The following GALNT13 variants were observed in gnomAD, a reference collection of about 807,000 sequenced individuals.
The protein encoded by GALNT13 is UDP-GalNAc:polypeptide N-acetylgalactosaminyltransferase 13.
GALNT13 carries 28 observed loss-of-function variants against 64.2 expected under a neutral mutation model. The observed-to-expected ratio is 0.44, with a 90% CI of 0.32 to 0.60. GALNT13 has a LOEUF of 0.60. GALNT13 is among the 20% of genes least tolerant of loss of function. The pLI is 0.05. For missense variants in GALNT13, 577 were observed against 669.8 expected, an observed-to-expected ratio of 0.86 and a Z score of 1.53; for synonymous variants, 214 against 224.6, an observed-to-expected ratio of 0.95 and a Z score of 0.42.
Position 154,299,907 on chromosome 2 carries a change from T to TA in GALNT13, c.976-1495dup, listed in dbSNP as rs946412835. On this transcript the variant is annotated intron_variant, in intron 8 of 12. Coordinates refer to ENST00000392825, the MANE Select transcript of GALNT13 (RefSeq NM_052917.4). ...ATTACACTGTTTAAAAATTATAAAATAAAAAAATAGATTTACATGAAATGC... is the reference window on the plus strand; with the variant it reads ...ATTACACTGTTTAAAAATTATAAAATAAAAAAAATAGATTTACATGAAATGC... Among the ~76,000 whole-genome samples the TA allele has an allele frequency of 1.2e-3, 181 of 151,838 alleles. 1 individual carries two copies. Among genetic ancestry groups the TA allele is most frequent in the African/African-American group, 4.1e-3 (170 of 41,456 alleles).
the GALNT13 span, among the ~76,000 whole-genome samples, chr2:153,720,566 A>C: frequency 6.5e-4 from 98 of 149,718 alleles, 1 homozygote; most frequent in South Asian, 0.016. Flanking sequence ...ACTTTGAAAA[A>C]AATTTAGAAG....
At chr2:153,585,027 A>T in the GALNT13 span, among the ~76,000 whole-genome samples, 2 of 152,196 alleles carry the variant, frequency 1.3e-5, no homozygotes, top group East Asian at 3.8e-4. Context: ...AAGACATATG[A>T]CACCCTCAAA....
the GALNT13 span, among the ~76,000 whole-genome samples, chr2:153,735,790 A>G: frequency 6.6e-6 from 1 of 152,106 alleles, no homozygotes; most frequent in Non-Finnish European, 1.5e-5. Context: ...GATTTGGGCC[A>G]TTTATTTTGG....
the GALNT13 span, among the ~76,000 whole-genome samples, chr2:153,595,857 T>A: frequency 6.6e-6 from 1 of 152,200 alleles, no homozygotes; most frequent in Non-Finnish European, 1.5e-5. Context: ...TTAATCTTGT[T>A]CTGAGTGTAC....
the GALNT13 span, among the ~76,000 whole-genome samples, chr2:153,240,620 A>G: frequency 6.6e-6 from 1 of 152,090 alleles, no homozygotes; most frequent in African/African-American, 2.4e-5. Context: ...ACCTGGGGAG[A>G]CATCCCATAA....
At chr2:153,259,457 C>T in the GALNT13 span, among the ~76,000 whole-genome samples, 1 of 151,826 alleles carries the variant, frequency 6.6e-6, no homozygotes, top group Non-Finnish European at 1.5e-5. Flanking sequence ...AAGACTTGTA[C>T]TTGCTGATAT....
intron 3 of GALNT13, among the ~76,000 whole-genome samples, chr2:154,129,810 C>T (rs74715034): frequency 1.3e-5 from 2 of 152,116 alleles, no homozygotes; most frequent in East Asian, 1.9e-4. Context: ...GGGCCTGTTG[C>T]GAGAGGACTG....
the GALNT13 span, among the ~76,000 whole-genome samples, chr2:153,363,112 A>C: frequency 6.6e-6 from 1 of 152,148 alleles, no homozygotes; most frequent in Non-Finnish European, 1.5e-5. Flanking sequence ...ATGGAAATTG[A>C]ACAACATGCT....
the GALNT13 span, among the ~76,000 whole-genome samples, chr2:153,823,541 G>A: frequency 0.041 from 6,246 of 152,258 alleles, 179 homozygotes; most frequent in East Asian, 0.13. Flanking sequence ...TTCAATAAAT[G>A]ATGCTGGGAT....
At chr2:153,289,685 A>G in the GALNT13 span, among the ~76,000 whole-genome samples, 1 of 152,238 alleles carries the variant, frequency 6.6e-6, no homozygotes, top group East Asian at 1.9e-4. Flanking sequence ...CATTTGAAAT[A>G]CAGACTATAG....
chr2:153,249,860 T>G, the GALNT13 span, among the ~76,000 whole-genome samples: 1 of 152,164 alleles, frequency 6.6e-6, no homozygotes, highest in Admixed American at 6.5e-5. Context: ...TCCTTACACC[T>G]TATACAAAAA....
At chr2:153,459,691 C>T in the GALNT13 span, among the ~76,000 whole-genome samples, 1 of 152,090 alleles carries the variant, frequency 6.6e-6, no homozygotes, top group Non-Finnish European at 1.5e-5. Context: ...CACATAAGAA[C>T]TTTCTCACAC....
At chr2:153,218,459 T>TA in the GALNT13 span, among the ~76,000 whole-genome samples, 1 of 152,186 alleles carries the variant, frequency 6.6e-6, no homozygotes, top group Non-Finnish European at 1.5e-5. Flanking sequence ...AATTAGTTTT[T>TA]ACCAGTGCCC....
chr2:153,471,119 G>T, the GALNT13 span, among the ~76,000 whole-genome samples: 1 of 152,106 alleles, frequency 6.6e-6, no homozygotes, highest in Non-Finnish European at 1.5e-5. Flanking sequence ...GAAGGGTGGA[G>T]AGTACTTCAT....
chr2:153,276,571 C>T, the GALNT13 span, among the ~76,000 whole-genome samples: 1 of 152,000 alleles, frequency 6.6e-6, no homozygotes. Flanking sequence ...CATGTATAAA[C>T]ACAATATTTT....
chr2:153,948,878 A>G (rs1171868782), intron 3 of GALNT13, among the ~76,000 whole-genome samples: 2 of 152,112 alleles, frequency 1.3e-5, no homozygotes, highest in Non-Finnish European at 1.5e-5. Flanking sequence ...AGATCAGGAA[A>G]AATAATTAAT....
chr2:154,072,903 G>A (rs946704075), intron 3 of GALNT13, among the ~76,000 whole-genome samples: 1 of 151,944 alleles, frequency 6.6e-6, no homozygotes, highest in Non-Finnish European at 1.5e-5. Context: ...GGGAGATAGG[G>A]ATATGAAAAC....
chr2:154,354,203 T>C (rs1276168698), intron 9 of GALNT13, among the ~76,000 whole-genome samples: 1 of 152,142 alleles, frequency 6.6e-6, no homozygotes, highest in African/African-American at 2.4e-5. Context: ...ATATCTTCTT[T>C]GGAGAAATTT....
At chr2:153,939,942 A>T (rs903896213) in intron 2 of GALNT13, among the ~76,000 whole-genome samples, 5 of 152,164 alleles carry the variant, frequency 3.3e-5, no homozygotes, top group African/African-American at 1.2e-4. Context: ...ACCCAGACTC[A>T]AATCATGACA....
Sources: gnomAD v4.1 joint callset for allele counts (sites outside exome capture counted in the v4.1 genomes callset) on GRCh38, gnomAD v4.1.1 for gene constraint, MANE v1.5 for transcripts, NCBI Gene and HGNC (gene_info 2026-07-23, HGNC 2026-07-21) for gene names.